Variants in RHEB observed in about 807,000 individuals in gnomAD.
RHEB encodes Ras homolog, mTORC1 binding.
Under a neutral mutation model 28.8 loss-of-function variants are expected in RHEB, and 2 were observed. The observed-to-expected ratio is 0.07, with a 90% confidence interval of 0.03 to 0.22. The LOEUF (loss-of-function observed/expected upper bound fraction) is 0.22. Ranked by LOEUF, RHEB falls within the 10% of genes least tolerant of loss-of-function variation. The probability of loss-of-function intolerance (pLI) is 1.00; values close to 1 mark genes in which losing one functional copy is unlikely to be tolerated. For synonymous variants in RHEB, 69 were observed against 77.3 expected, an observed-to-expected ratio of 0.89 and a Z score of 0.56; for missense variants, 76 against 219.9, an observed-to-expected ratio of 0.35 and a Z score of 4.14.
intron 3 of RHEB, among the ~76,000 whole-genome samples, chr7:151,479,499 A>C (rs563362740): frequency 6.6e-6 from 1 of 151,992 alleles, no homozygotes. Context: ...TGGCTAACAC[A>C]GTGAAACCCC....
At chr7:151,481,964 T>G (rs1374391955) in intron 3 of RHEB, among the ~76,000 whole-genome samples, 1 of 152,220 alleles carries the variant, frequency 6.6e-6, no homozygotes, top group African/African-American at 2.4e-5. Flanking sequence ...GGCAAAACAG[T>G]ACCCCAGAGG....
chr7:151,489,423 A>T (rs1391294430), intron 2 of RHEB, among the ~76,000 whole-genome samples: 1 of 152,212 alleles, frequency 6.6e-6, no homozygotes, highest in East Asian at 1.9e-4. Context: ...CCCTGTAGAT[A>T]CCCAGAGGTT....
At chr7:151,471,741 C>T in intron 4 of RHEB, 136 bp from the exon 5 acceptor site, 1 of 632,750 alleles carries the variant, frequency 1.6e-6, no homozygotes, top group South Asian at 2.2e-5. Flanking sequence ...ACACAAAGAA[C>T]TCCTGTTTTT....
intron 1 of RHEB, among the ~76,000 whole-genome samples, chr7:151,505,707 A>G (rs1802860583): frequency 1.3e-5 from 2 of 152,250 alleles, no homozygotes; most frequent in African/African-American, 4.8e-5. Flanking sequence ...CAAAATGCTC[A>G]TAATAGCTTT....
intron 7 of RHEB, 52 bp from the exon 8 acceptor site, chr7:151,467,263 A>C (rs757654395): frequency 7.5e-7 from 1 of 1,330,340 alleles, no homozygotes; most frequent in Non-Finnish European, 1.1e-6. Context: ...CCGAACTCCG[A>C]GAGTATTTTA....
At chr7:151,512,067 A>G (rs899149580) in intron 1 of RHEB, among the ~76,000 whole-genome samples, 2 of 152,244 alleles carry the variant, frequency 1.3e-5, no homozygotes, top group African/African-American at 4.8e-5. Context: ...ATCAATGTTA[A>G]GATTTCATTT....
At chr7:151,496,840 T>A (rs1316046535) in intron 1 of RHEB, among the ~76,000 whole-genome samples, 1 of 152,082 alleles carries the variant, frequency 6.6e-6, no homozygotes, top group African/African-American at 2.4e-5. Context: ...AGTGCAGTGA[T>A]GCAATTTTGG....
intron 1 of RHEB, chr7:151,503,588 G>A (rs2150935300): frequency 4.2e-6 from 2 of 476,666 alleles, no homozygotes; most frequent in Non-Finnish European, 7.6e-6. Flanking sequence ...CATGAGTACT[G>A]GTTATTGAAA....
intron 1 of RHEB, among the ~76,000 whole-genome samples, chr7:151,506,908 C>T (rs1185670590): frequency 6.6e-6 from 1 of 152,176 alleles, no homozygotes; most frequent in African/African-American, 2.4e-5. Context: ...TCTGTGTCTC[C>T]TCCTAACATC....
intron 2 of RHEB, among the ~76,000 whole-genome samples, chr7:151,489,430 G>A (rs1431862546): frequency 6.6e-6 from 1 of 152,122 alleles, no homozygotes; most frequent in African/African-American, 2.4e-5. Flanking sequence ...GATACCCAGA[G>A]GTTACTTTCA....
chr7:151,501,130 C>A (rs1802765582), intron 1 of RHEB, among the ~76,000 whole-genome samples: 1 of 152,146 alleles, frequency 6.6e-6, no homozygotes, highest in Non-Finnish European at 1.5e-5. Context: ...AAAATAACAT[C>A]TTGGACTTCA....
In RHEB at chr7:151,471,599, T is replaced by C; in HGVS notation, c.282A>G (p.Glu94=). 1 of 1,593,120 alleles carries C rather than the reference T, an allele frequency of 6.3e-7. No homozygotes were observed. Among genetic ancestry groups the C allele is most frequent in the Non-Finnish European group, 8.6e-7 (1 of 1,165,602 alleles). ...ATTTGCCATGGATAACTTTAATCAC[T>C]TCAAAACTATAAAACAAAAAGTATA... ...VYSVTSIKSF[E]VIKVIHGKLL... is the part of the protein sequence containing the mutation. Residue 94 remains glutamate, a synonymous_variant, in exon 5 of 8, where the codon GAA becomes GAG. Transcript: ENST00000262187.
chr7:151,474,217 C>T (rs938066600), intron 4 of RHEB, among the ~76,000 whole-genome samples: 6 of 151,052 alleles, frequency 4.0e-5, no homozygotes, highest in Non-Finnish European at 8.8e-5. Flanking sequence ...CTTGCTTTGT[C>T]GCTCAGGCTG....
chr7:151,512,638 C>T (rs1002494266), intron 1 of RHEB, among the ~76,000 whole-genome samples: 8 of 152,222 alleles, frequency 5.3e-5, no homozygotes, highest in Admixed American at 1.3e-4. Flanking sequence ...TCTCTCACAA[C>T]GCTACAGGGC....
At chr7:151,496,463 A>G (rs1365098451) in intron 1 of RHEB, among the ~76,000 whole-genome samples, 3 of 152,026 alleles carry the variant, frequency 2.0e-5, no homozygotes, top group Non-Finnish European at 2.9e-5. Flanking sequence ...GCCATGACCC[A>G]TACTATTTTT....
At chr7:151,479,556 G>T (rs538618462) in intron 3 of RHEB, among the ~76,000 whole-genome samples, 1 of 151,862 alleles carries the variant, frequency 6.6e-6, no homozygotes, top group Non-Finnish European at 1.5e-5. Context: ...GGTGGCGGGC[G>T]CCTGTAGTCC....
intron 4 of RHEB, 135 bp downstream of exon 4, chr7:151,477,198 C>T: frequency 1.5e-6 from 1 of 654,716 alleles, no homozygotes; most frequent in Admixed American, 3.2e-5. Flanking sequence ...CCAGTTGCTC[C>T]ACGAGAAAAT....
intron 1 of RHEB, among the ~76,000 whole-genome samples, chr7:151,508,989 A>G (rs571963415): frequency 2.1e-4 from 32 of 152,298 alleles, no homozygotes; most frequent in African/African-American, 6.7e-4. Context: ...TTAGATTAAG[A>G]AAGCAATTTA....
Position 151,491,032 on chromosome 7 carries a change from A to G in RHEB, c.53-18T>C. The G allele has an allele frequency of 2.5e-6, 4 of 1,598,012 alleles. No homozygotes were observed. Among genetic ancestry groups the G allele is most frequent in the Non-Finnish European group, 3.4e-6 (4 of 1,169,318 alleles). ...GGATTTCCCTATAAAAGAGAACAAGAGCTTAGTGTGTGTTGGCATATGAAG... is the reference window on the plus strand; with the variant it reads ...GGATTTCCCTATAAAAGAGAACAAGGGCTTAGTGTGTGTTGGCATATGAAG... On this transcript the variant is annotated intron_variant, in intron 1 of 7. Coordinates refer to ENST00000262187, the MANE Select transcript of RHEB (RefSeq NM_005614.4).
Sources: allele counts gnomAD v4.1 joint callset (sites outside exome capture counted in the v4.1 genomes callset), GRCh38; gene constraint gnomAD v4.1.1; transcripts MANE v1.5; gene names NCBI Gene and HGNC (gene_info 2026-07-23, HGNC 2026-07-21).